The following INPP4B variants were observed in gnomAD, a reference collection of about 807,000 sequenced individuals.
INPP4B encodes inositol polyphosphate-4-phosphatase type II B, also known as inositol polyphosphate 4-phosphatase type II.
In INPP4B, 55 loss-of-function variants were observed where a neutral mutation model predicts 122.5. That is an observed-to-expected ratio of 0.45 (90% CI 0.36 to 0.56). The LOEUF is 0.56. INPP4B is among the 20% of genes least tolerant of loss of function. The pLI is 0.00. For missense variants in INPP4B, 1,000 were observed against 1,097.7 expected (o/e 0.91, Z 1.26); for synonymous variants, 403 against 388.7 (o/e 1.04, Z -0.43).
chr4:142,338,429 G>T (rs1036278608), intron 7 of INPP4B, among the ~76,000 whole-genome samples: 4 of 152,130 alleles, frequency 2.6e-5, no homozygotes, highest in African/African-American at 9.6e-5. Flanking sequence ...TAGTAGAGAT[G>T]GGGTTTCACC....
chr4:142,537,411 T>TAC (rs1416341748), intron 2 of INPP4B, among the ~76,000 whole-genome samples: 1 of 40,964 alleles, frequency 2.4e-5, no homozygotes, highest in African/African-American at 8.0e-5. Context: ...TATATATATA[T>TAC]ATATATATAT....
At chr4:142,643,708 G>A (rs1022185792) in intron 2 of INPP4B, among the ~76,000 whole-genome samples, 5 of 152,250 alleles carry the variant, frequency 3.3e-5, no homozygotes, top group Admixed American at 2.0e-4. Context: ...CTTCTTCAAA[G>A]CTTACCATGA....
intron 7 of INPP4B, among the ~76,000 whole-genome samples, chr4:142,335,629 A>G (rs567701344): frequency 1.3e-5 from 2 of 152,346 alleles, no homozygotes; most frequent in South Asian, 4.1e-4. Context: ...TGAAATTTAA[A>G]AACAGTGACA....
chr4:142,515,085 C>T (rs1414447481), intron 2 of INPP4B, among the ~76,000 whole-genome samples: 1 of 152,132 alleles, frequency 6.6e-6, no homozygotes, highest in Non-Finnish European at 1.5e-5. Flanking sequence ...CATGAGCCAC[C>T]ATGCCTGGCC....
intron 18 of INPP4B, among the ~76,000 whole-genome samples, chr4:142,125,701 G>T (rs1361659915): frequency 3.3e-5 from 5 of 152,022 alleles, no homozygotes. Flanking sequence ...ATGAAGATTG[G>T]GTTGAGCTGA....
intron 25 of INPP4B, among the ~76,000 whole-genome samples, chr4:142,047,937 A>C (rs1282999361): frequency 6.6e-6 from 1 of 152,096 alleles, no homozygotes; most frequent in Non-Finnish European, 1.5e-5. Context: ...TCCAGGATAA[A>C]GAAGAAAGGA....
At position 142,381,880 on chromosome 4, in the gene INPP4B, T is replaced by A. The variant is rs115137226; in HGVS notation, c.372+21058A>T. 3.3e-3 allele frequency among the ~76,000 whole-genome samples: 496 copies of A among 152,214 alleles called. 6 individuals carry two copies. The highest frequency in any genetic ancestry group is 0.011 in the African/African-American group (458 of 41,556). ...TTGCAGTCTGCTTCAGGATTCAATATTTTTCCTCACTCTTCTTTTTGTCTA... is the reference window on the plus strand; with the variant it reads ...TTGCAGTCTGCTTCAGGATTCAATAATTTTCCTCACTCTTCTTTTTGTCTA... On this transcript the variant is annotated intron_variant, in intron 7 of 25. Transcript: ENST00000262992.
chr4:142,040,253 T>C (rs1453674106), intron 25 of INPP4B, among the ~76,000 whole-genome samples: 1 of 152,152 alleles, frequency 6.6e-6, no homozygotes, highest in Non-Finnish European at 1.5e-5. Context: ...GGGAGCCCAA[T>C]AGCAGGGGAT....
intron 7 of INPP4B, among the ~76,000 whole-genome samples, chr4:142,388,777 G>A (rs1796745125): frequency 6.6e-6 from 1 of 152,160 alleles, no homozygotes; most frequent in African/African-American, 2.4e-5. Flanking sequence ...GCAATAAAAT[G>A]CACAGTAAAA....
intron 18 of INPP4B, among the ~76,000 whole-genome samples, chr4:142,138,712 C>T (rs568980855): frequency 6.6e-5 from 10 of 152,110 alleles, no homozygotes; most frequent in African/African-American, 2.2e-4. Context: ...CCAGAAACTC[C>T]CCTACAGGCT....
chr4:142,407,806 C>T (rs1273782854), intron 5 of INPP4B, among the ~76,000 whole-genome samples: 1 of 152,114 alleles, frequency 6.6e-6, no homozygotes, highest in African/African-American at 2.4e-5. Flanking sequence ...AAGTCACAAA[C>T]TCTGACACTT....
intron 12 of INPP4B, among the ~76,000 whole-genome samples, chr4:142,219,531 T>C (rs566903724): frequency 2.6e-5 from 4 of 152,332 alleles, no homozygotes; most frequent in South Asian, 2.1e-4. Flanking sequence ...GCAGTGGTAG[T>C]TGCATTGTGC....
At chr4:142,035,307 G>A (rs184538049) in intron 25 of INPP4B, among the ~76,000 whole-genome samples, 263 of 152,236 alleles carry the variant, frequency 1.7e-3, no homozygotes, top group Non-Finnish European at 3.2e-3. Context: ...GAATGAGATC[G>A]TCCCAACGTA....
intron 2 of INPP4B, among the ~76,000 whole-genome samples, chr4:142,588,141 G>A (rs1232131091): frequency 6.6e-6 from 1 of 151,836 alleles, no homozygotes; most frequent in Non-Finnish European, 1.5e-5. Flanking sequence ...TCTCAGCAGA[G>A]TAGTAACAGA....
At chr4:142,606,037 C>T (rs1300372193) in intron 2 of INPP4B, among the ~76,000 whole-genome samples, 1 of 151,858 alleles carries the variant, frequency 6.6e-6, no homozygotes. Flanking sequence ...ATGTGGTATA[C>T]ATATGCAATA....
chr4:142,615,545 T>C (rs2150354030), intron 2 of INPP4B, among the ~76,000 whole-genome samples: 1 of 152,304 alleles, frequency 6.6e-6, no homozygotes, highest in South Asian at 2.1e-4. Flanking sequence ...TTGTCTGGCA[T>C]GGCCTTAGGT....
At chr4:142,337,553 T>G (rs1372186316) in intron 7 of INPP4B, among the ~76,000 whole-genome samples, 1 of 150,534 alleles carries the variant, frequency 6.6e-6, no homozygotes, top group African/African-American at 2.4e-5. Context: ...ATGAGGTCGA[T>G]TCCCAAATGT....
chr4:142,441,688 G>T lies in INPP4B; in HGVS notation c.-126-10303C>A, dbSNP rs145317886. On this transcript the variant is annotated intron_variant, in intron 3 of 25. Transcript: ENST00000262992. ...AAAAATATTTAAGGGGACAAGAAAA[G>T]AAGTTAGTTGGAAAAGGCATGGTCA... 2.7e-3 allele frequency among the ~76,000 whole-genome samples: 413 copies of T among 152,174 alleles called. 1 individual carries two copies. The highest frequency in any genetic ancestry group is 9.5e-3 in the African/African-American group (396 of 41,534).
chr4:142,766,386 T>G (rs1250741523), intron 1 of INPP4B, among the ~76,000 whole-genome samples: 1 of 152,110 alleles, frequency 6.6e-6, no homozygotes, highest in Non-Finnish European at 1.5e-5. Flanking sequence ...TTTTTTTGTT[T>G]TTTTTTTCTG....
Sources: gnomAD v4.1 joint callset for allele counts (sites outside exome capture counted in the v4.1 genomes callset) on GRCh38, gnomAD v4.1.1 for gene constraint, MANE v1.5 for transcripts, NCBI Gene and HGNC (gene_info 2026-07-23, HGNC 2026-07-21) for gene names.